The following DNAH12 variants were observed in gnomAD, a reference collection of about 807,000 sequenced individuals.
The protein encoded by DNAH12 is axonemal beta dynein heavy chain 12.
DNAH12 carries 285 observed loss-of-function variants against 371.5 expected under a neutral mutation model. That is an observed-to-expected ratio of 0.77 (90% CI 0.70 to 0.85). The LOEUF (loss-of-function observed/expected upper bound fraction) is 0.85. Ranked by LOEUF, DNAH12 falls within the 40% of genes least tolerant of loss-of-function variation. The probability of loss-of-function intolerance (pLI) is 0.00; values close to 1 mark genes in which losing one functional copy is unlikely to be tolerated. For synonymous variants in DNAH12, 1,200 were observed against 1,213.0 expected, an observed-to-expected ratio of 0.99 and a Z score of 0.22; for missense variants, 3,611 against 3,689.4, an observed-to-expected ratio of 0.98 and a Z score of 0.55.
chr3:57,380,614 G>A (rs1369081895), intron 50 of DNAH12, among the ~76,000 whole-genome samples: 1 of 152,056 alleles, frequency 6.6e-6, no homozygotes, highest in African/African-American at 2.4e-5. Context: ...ACAGGCTTCT[G>A]TCACCACACC....
intron 69 of DNAH12, among the ~76,000 whole-genome samples, chr3:57,302,867 C>T (rs1027697755): frequency 2.7e-4 from 40 of 150,464 alleles, no homozygotes; most frequent in African/African-American, 8.8e-4. Context: ...TGAGCCACTG[C>T]GCCTGGCCAG....
At chr3:57,318,932 C>T (rs2061744273) in intron 65 of DNAH12, among the ~76,000 whole-genome samples, 1 of 151,914 alleles carries the variant, frequency 6.6e-6, no homozygotes, top group South Asian at 2.1e-4. Flanking sequence ...ATAGGGATTG[C>T]TAAATTAAAT....
intron 49 of DNAH12, among the ~76,000 whole-genome samples, chr3:57,383,912 G>T (rs2063449723): frequency 6.6e-6 from 1 of 152,118 alleles, no homozygotes; most frequent in Non-Finnish European, 1.5e-5. Context: ...CTACAGGGCT[G>T]ATGTTACTGA....
In DNAH12 at chr3:57,371,941, C is replaced by CAAAAAAA. The variant is rs1169602185; in HGVS notation, c.8759+3423_8759+3429dup. 4.3e-3 allele frequency among the ~76,000 whole-genome samples: 112 copies of CAAAAAAA among 25,852 alleles called. 8 individuals carry two copies. Among genetic ancestry groups the CAAAAAAA allele is most frequent in the African/African-American group, 0.022 (97 of 4,494 alleles). The allele number at this position is 25,852 out of a possible 152,430, so 17.0% of individuals were successfully genotyped here. On this transcript the variant is annotated intron_variant, in intron 55 of 73. Transcript: ENST00000495027. Reference sequence around the variant, plus strand: ...TGTCAACCCAGAATTCTAAACTCAGCAAAAAAAAAAAAAAAAAAAAAAAAT... The same window carrying CAAAAAAA: ...TGTCAACCCAGAATTCTAAACTCAGCAAAAAAAAAAAAAAAAAAAAAAAAAAAAAAAT...
intron 12 of DNAH12, among the ~76,000 whole-genome samples, chr3:57,484,180 G>T (rs1159434883): frequency 6.6e-6 from 1 of 151,868 alleles, no homozygotes; most frequent in African/African-American, 2.4e-5. Flanking sequence ...TCTATTTACT[G>T]ATAACTATAA....
chr3:57,509,861 T>TAAAAAAAAAAAAAAA lies in DNAH12; in HGVS notation c.470-664_470-650dup, dbSNP rs902155403. ...TGGGCGACAGAGTGAGACTCCATCATAAAAAAAAAAAAAAAAAAAAAAAAA... is the reference window on the plus strand; with the variant it reads ...TGGGCGACAGAGTGAGACTCCATCATAAAAAAAAAAAAAAAAAAAAAAAAAAAAAAAAAAAAAAAA... On this transcript the variant is annotated intron_variant, in intron 5 of 73. Coordinates refer to ENST00000495027, the MANE Select transcript of DNAH12 (RefSeq NM_001366028.2). 1.0e-3 allele frequency among the ~76,000 whole-genome samples: 47 copies of TAAAAAAAAAAAAAAA among 46,558 alleles called. 2 individuals carry two copies. The highest frequency in any genetic ancestry group is 1.7e-3 in the Non-Finnish European group (38 of 22,368). 30.5% of individuals were successfully genotyped at this position (46,558 alleles called of 152,430 possible). A position where few individuals can be genotyped will look rare whatever the true frequency, so the allele number is the denominator to read the frequency against.
At chr3:57,347,241 T>C (rs2062563684) in intron 60 of DNAH12, among the ~76,000 whole-genome samples, 2 of 152,126 alleles carry the variant, frequency 1.3e-5, no homozygotes, top group Non-Finnish European at 2.9e-5. Flanking sequence ...TTAGCAAATA[T>C]TAGCAACAAA....
At chr3:57,527,642 T>C (rs550892782) in intron 2 of DNAH12, among the ~76,000 whole-genome samples, 1 of 152,238 alleles carries the variant, frequency 6.6e-6, no homozygotes, top group East Asian at 1.9e-4. Flanking sequence ...TTATGAGACA[T>C]CTACCCACAT....
chr3:57,406,295 T>C lies in DNAH12; in HGVS notation c.6277-343A>G, dbSNP rs538282836. On this transcript the variant is annotated intron_variant, in intron 40 of 73. Transcript: ENST00000495027. ...GAACCCGGGAGGTGGAGGTAGACAT[T>C]GCAAAGAGCCAAGATCACGCCATTG... 8.6e-4 allele frequency among the ~76,000 whole-genome samples: 123 copies of C among 142,646 alleles called. 1 individual carries two copies. The highest frequency in any genetic ancestry group is 2.2e-4 in the Non-Finnish European group (15 of 67,156). 93.6% of individuals were successfully genotyped at this position (142,646 alleles called of 152,430 possible). A position where few individuals can be genotyped will look rare whatever the true frequency, so the allele number is the denominator to read the frequency against.
chr3:57,412,234 G>A (rs7650863), intron 39 of DNAH12, among the ~76,000 whole-genome samples: 34,567 of 151,966 alleles, frequency 0.23, 4,589 homozygotes, highest in South Asian at 0.43. Context: ...GACAAATATC[G>A]TTAAACAACT....
chr3:57,310,731 T>C lies in DNAH12; in HGVS notation c.10882A>G (p.Ile3628Val), dbSNP rs777470196. ...GACATCATTACCTTAATGAATTCAA[T>C]GTAGTCCTCATAAGTGCCTTTAGGA... ...APPKGTYEDY[I>V]EFIKKLPFTQ... The change falls in exon 67 of 74, where the codon ATT becomes GTT. Residue 3628 changes from isoleucine (I) to valine (V), a missense_variant. Coordinates refer to ENST00000495027, the MANE Select transcript of DNAH12 (RefSeq NM_001366028.2). 2.6e-6 allele frequency: 4 copies of C among 1,550,296 alleles called. No individual in the cohort carries two copies. The South Asian group carries it at 3.6e-5, about 14-fold the overall frequency.
At chr3:57,503,630 G>A (rs2067641405) in intron 9 of DNAH12, among the ~76,000 whole-genome samples, 2 of 152,044 alleles carry the variant, frequency 1.3e-5, no homozygotes, top group South Asian at 4.1e-4. Flanking sequence ...CTTGTGTTCC[G>A]CCTGCCTCGG....
chr3:57,551,114 C>T, the DNAH12 span, among the ~76,000 whole-genome samples: 1 of 152,028 alleles, frequency 6.6e-6, no homozygotes, highest in East Asian at 1.9e-4. Flanking sequence ...GATCCACCCG[C>T]CTCAGTCTCC....
intron 30 of DNAH12, among the ~76,000 whole-genome samples, chr3:57,435,335 G>A (rs2065084338): frequency 7.6e-6 from 1 of 132,440 alleles, no homozygotes; most frequent in Non-Finnish European, 1.5e-5. Flanking sequence ...TCTTGCCACT[G>A]CATTCCAGCC....
the DNAH12 span, among the ~76,000 whole-genome samples, chr3:57,552,854 T>C: frequency 6.6e-6 from 1 of 152,160 alleles, no homozygotes; most frequent in African/African-American, 2.4e-5. Flanking sequence ...CACTCCAGCC[T>C]GGGTGACAGA....
chr3:57,347,403 C>T (rs868966524), intron 60 of DNAH12, among the ~76,000 whole-genome samples: 1 of 151,988 alleles, frequency 6.6e-6, no homozygotes. Flanking sequence ...ACCATATGAT[C>T]CTATCAAAAG....
intron 52 of DNAH12, among the ~76,000 whole-genome samples, chr3:57,378,456 T>C (rs983563992): frequency 2.6e-5 from 4 of 152,200 alleles, no homozygotes; most frequent in African/African-American, 9.6e-5. Context: ...TGTACATATA[T>C]CATTTAGGAA....
intron 66 of DNAH12, among the ~76,000 whole-genome samples, chr3:57,312,306 A>G (rs956401895): frequency 6.6e-6 from 1 of 152,172 alleles, no homozygotes; most frequent in Non-Finnish European, 1.5e-5. Flanking sequence ...AAGTTTTTCC[A>G]TGTCTCTTCT....
In DNAH12 at chr3:57,379,148, T is replaced by C. The variant is rs1313583428; in HGVS notation, c.8223+10A>G. ...TTAGTAGAACACAGATGTGCTAATG[T>C]TGAAAGTACCTTTGCAACTCTGTCG... is the stretch of plus-strand genomic sequence containing the variant. On this transcript the variant is annotated intron_variant, in intron 52 of 73. Transcript: ENST00000495027. The C allele has an allele frequency of 6.6e-6, 1 of 152,202 alleles. No homozygotes were observed. The highest frequency in any genetic ancestry group is 1.5e-5 in the Non-Finnish European group (1 of 68,048). The allele number at this position is 152,202 out of a possible 1,614,324, so 9.4% of individuals were successfully genotyped here. A position where few individuals can be genotyped will look rare whatever the true frequency, so the allele number is the denominator to read the frequency against.
Sources: gnomAD v4.1 joint callset for allele counts (sites outside exome capture counted in the v4.1 genomes callset) on GRCh38, gnomAD v4.1.1 for gene constraint, MANE v1.5 for transcripts, NCBI Gene and HGNC (gene_info 2026-07-23, HGNC 2026-07-21) for gene names.